TEAD1: variants seen among roughly 807,000 people sequenced by gnomAD.
TEAD1 encodes TEA domain transcription factor 1, also known as transcriptional enhancer factor TEF-1.
Under a neutral mutation model 54.9 loss-of-function variants are expected in TEAD1, and 9 were observed. That is an observed-to-expected ratio of 0.16 (90% CI 0.10 to 0.29). The LOEUF (loss-of-function observed/expected upper bound fraction) is 0.29, where lower values mean the gene tolerates loss of function less well. TEAD1 is among the 10% of genes least tolerant of loss of function. TEAD1 has a pLI of 1.00. For missense variants in TEAD1, 387 were observed against 535.9 expected, an observed-to-expected ratio of 0.72 and a Z score of 2.74; for synonymous variants, 200 against 187.8, an observed-to-expected ratio of 1.07 and a Z score of -0.53.
chr11:12,838,935 CA>C (rs1564958745), intron 3 of TEAD1, among the ~76,000 whole-genome samples: 1 of 152,156 alleles, frequency 6.6e-6, no homozygotes, highest in East Asian at 1.9e-4. Context: ...GGTTTCTCAA[CA>C]GAAAATCTGT....
rs933283581 is a variant in TEAD1, at chr11:12,941,619, T to A, written c.*4397T>A. The A allele has an allele frequency of 2.0e-5, 3 of 152,644 alleles. No individual in the cohort carries two copies. The highest frequency in any genetic ancestry group is 7.2e-5 in the African/African-American group (3 of 41,460). The allele number at this position is 152,644 out of a possible 1,614,324, so 9.5% of individuals were successfully genotyped here. On this transcript the variant is annotated 3_prime_UTR_variant, in exon 13 of 13. Coordinates refer to ENST00000527636, the MANE Select transcript of TEAD1 (RefSeq NM_021961.6). ...AACGAAGGGTAGAACTAATTCTGTTTGTCAGTGTTCACACCTGTAACATTA... is the reference window on the plus strand; with the variant it reads ...AACGAAGGGTAGAACTAATTCTGTTAGTCAGTGTTCACACCTGTAACATTA...
chr11:12,927,724 A>T (rs1948928337), intron 11 of TEAD1, among the ~76,000 whole-genome samples: 1 of 152,072 alleles, frequency 6.6e-6, no homozygotes, highest in Non-Finnish European at 1.5e-5. Flanking sequence ...CATTTTCATT[A>T]TACAGGTTTG....
intron 3 of TEAD1, among the ~76,000 whole-genome samples, chr11:12,803,347 A>C (rs1263787504): frequency 6.6e-6 from 1 of 152,228 alleles, no homozygotes; most frequent in Non-Finnish European, 1.5e-5. Context: ...TATGAGTCTG[A>C]ATGTGAATTA....
intron 5 of TEAD1, among the ~76,000 whole-genome samples, chr11:12,875,627 G>A (rs890060623): frequency 5.3e-5 from 8 of 152,164 alleles, no homozygotes; most frequent in African/African-American, 1.7e-4. Flanking sequence ...AGAGTAGCTC[G>A]ACCACAAAAG....
chr11:12,826,044 T>C (rs1946647480), intron 3 of TEAD1, among the ~76,000 whole-genome samples: 1 of 152,186 alleles, frequency 6.6e-6, no homozygotes, highest in South Asian at 2.1e-4. Flanking sequence ...TAGGCTAAAG[T>C]GTAGAAGGTT....
chr11:12,863,744 G>A (rs561642679), intron 4 of TEAD1, among the ~76,000 whole-genome samples: 6 of 152,138 alleles, frequency 3.9e-5, no homozygotes, highest in Admixed American at 2.6e-4. Flanking sequence ...TCATTTGCCC[G>A]GTGACCCCTT....
intron 9 of TEAD1, among the ~76,000 whole-genome samples, chr11:12,890,098 T>C (rs1415092383): frequency 6.6e-6 from 1 of 152,192 alleles, no homozygotes; most frequent in Non-Finnish European, 1.5e-5. Flanking sequence ...TGCTGAGCAT[T>C]ATGTCCAGTC....
Position 12,934,050 on chromosome 11 carries a change from G to A in TEAD1, c.1168-3059G>A, listed in dbSNP as rs190890888. ...TCCCATTACTGGGTATATACCCAAA[G>A]GATTATAAATCATGCTGCTATAAAG... On this transcript the variant is annotated intron_variant, in intron 12 of 12. Coordinates refer to ENST00000527636, the MANE Select transcript of TEAD1 (RefSeq NM_021961.6). 3.3e-5 allele frequency among the ~76,000 whole-genome samples: 5 copies of A among 152,248 alleles called. No individual in the cohort carries two copies. In the East Asian group the frequency reaches 7.7e-4, roughly 23 times the overall value.
intron 3 of TEAD1, among the ~76,000 whole-genome samples, chr11:12,804,073 A>G (rs1298733538): frequency 6.6e-6 from 1 of 152,210 alleles, no homozygotes; most frequent in African/African-American, 2.4e-5. Flanking sequence ...AAAATAGTAG[A>G]ATTTAATTTT....
At chr11:12,879,677 A>G (rs777588768) in intron 5 of TEAD1, 31 bp from the exon 6 acceptor site, 25 of 1,613,874 alleles carry the variant, frequency 1.5e-5, no homozygotes, top group Non-Finnish European at 2.1e-5. Context: ...TGCGTTATGT[A>G]TTAAGTTGGT....
chr11:12,762,805 G>T (rs1040106174), intron 2 of TEAD1, among the ~76,000 whole-genome samples: 1 of 152,120 alleles, frequency 6.6e-6, no homozygotes, highest in Non-Finnish European at 1.5e-5. Flanking sequence ...GATACAGTTG[G>T]GAGAGAGCAG....
chr11:12,883,178 T>G, intron 9 of TEAD1, 53 bp downstream of exon 9: 2 of 1,613,062 alleles, frequency 1.2e-6, no homozygotes, highest in Non-Finnish European at 8.5e-7. Flanking sequence ...TTCCCTTTAC[T>G]GTTTACCTCC....
At chr11:12,856,844 C>T (rs1947392777) in intron 3 of TEAD1, among the ~76,000 whole-genome samples, 1 of 151,894 alleles carries the variant, frequency 6.6e-6, no homozygotes, top group African/African-American at 2.4e-5. Context: ...TGGCCACGGC[C>T]AGGGAAGAGA....
chr11:12,824,919 C>T (rs1387317088), intron 3 of TEAD1, among the ~76,000 whole-genome samples: 4 of 152,220 alleles, frequency 2.6e-5, no homozygotes, highest in Non-Finnish European at 5.9e-5. Flanking sequence ...GCATTCATTA[C>T]ATGAGATGGT....
intron 5 of TEAD1, among the ~76,000 whole-genome samples, chr11:12,876,767 C>T (rs1947861403): frequency 6.6e-6 from 1 of 152,122 alleles, no homozygotes; most frequent in Non-Finnish European, 1.5e-5. Flanking sequence ...GGCTGGAGTC[C>T]AAAGTGACTG....
intron 10 of TEAD1, among the ~76,000 whole-genome samples, chr11:12,905,362 T>A (rs921283315): frequency 6.6e-6 from 1 of 152,174 alleles, no homozygotes; most frequent in Non-Finnish European, 1.5e-5. Context: ...AAACAGTTAC[T>A]CCGAGATCAG....
At chr11:12,930,799 T>G (rs1477223977) in intron 12 of TEAD1, among the ~76,000 whole-genome samples, 3 of 152,224 alleles carry the variant, frequency 2.0e-5, no homozygotes, top group Non-Finnish European at 4.4e-5. Context: ...GTTGGTATGT[T>G]TGTACTTCAG....
chr11:12,823,162 T>TC (rs908222344), intron 3 of TEAD1, among the ~76,000 whole-genome samples: 1 of 152,232 alleles, frequency 6.6e-6, no homozygotes, highest in African/African-American at 2.4e-5. Context: ...AATCAGGCTA[T>TC]CCCCCTCAGC....
intron 12 of TEAD1, among the ~76,000 whole-genome samples, chr11:12,932,071 C>T (rs972854617): frequency 2.6e-5 from 4 of 152,160 alleles, no homozygotes; most frequent in African/African-American, 7.2e-5. Flanking sequence ...ATATAATTTT[C>T]GTTTGTTCCA....
Sources: gnomAD v4.1 joint callset for allele counts (sites outside exome capture counted in the v4.1 genomes callset) on GRCh38, gnomAD v4.1.1 for gene constraint, MANE v1.5 for transcripts, NCBI Gene and HGNC (gene_info 2026-07-23, HGNC 2026-07-21) for gene names.